The following ZSWIM6 variants were observed in gnomAD, a reference collection of about 807,000 sequenced individuals.
The protein encoded by ZSWIM6 is zinc finger SWIM domain-containing protein 6.
In ZSWIM6, 9 loss-of-function variants were observed where a neutral mutation model predicts 113.2. The observed-to-expected ratio is 0.08, with a 90% CI of 0.05 to 0.14. The LOEUF is 0.14. Ranked by LOEUF, ZSWIM6 falls within the 10% of genes least tolerant of loss-of-function variation. The pLI, the probability that ZSWIM6 is intolerant of heterozygous loss-of-function variation, is 1.00. For missense variants in ZSWIM6, 1,162 were observed against 1,552.2 expected (o/e 0.75, Z 4.22); for synonymous variants, 611 against 606.5 (o/e 1.01, Z -0.11).
intron 1 of ZSWIM6, among the ~76,000 whole-genome samples, chr5:61,422,448 G>A (rs1265655659): frequency 6.6e-6 from 1 of 152,116 alleles, no homozygotes; most frequent in Non-Finnish European, 1.5e-5. Flanking sequence ...TGCTGGCACT[G>A]TACTGTTTTG....
intron 1 of ZSWIM6, among the ~76,000 whole-genome samples, chr5:61,373,627 C>A (rs1745311252): frequency 1.3e-5 from 2 of 152,050 alleles, no homozygotes; most frequent in Admixed American, 6.6e-5. Flanking sequence ...TACATTGTTA[C>A]CAAATGATCT....
In ZSWIM6 at chr5:61,332,361, G is replaced by A; in HGVS notation, c.89G>A (p.Gly30Asp). 1.0e-6 allele frequency: 1 copy of A among 983,144 alleles called. No homozygotes were observed. Among genetic ancestry groups the A allele is most frequent in the Non-Finnish European group, 1.2e-6 (1 of 819,106 alleles). The allele number at this position is 983,144 out of a possible 1,614,324, so 60.9% of individuals were successfully genotyped here. A position where few individuals can be genotyped will look rare whatever the true frequency, so the allele number is the denominator to read the frequency against. Reference sequence around the variant, plus strand: ...GGCGGCGGCGGGGGCAGCAGCGGCGGCGGCGGCGGCGCGGGTGGCGGCTAC... The same window carrying A: ...GGCGGCGGCGGGGGCAGCAGCGGCGACGGCGGCGGCGCGGGTGGCGGCTAC... ...GGGGGGGSSGGGGGAGGGYSS... is the reference protein window; with the variant it reads ...GGGGGGGSSGDGGGAGGGYSS... The change falls in exon 1 of 14, where the codon GGC (glycine) becomes GAC (aspartate). Residue 30 changes from glycine (G) to aspartate (D), a missense_variant. This residue lies in a region of ZSWIM6 where 333 missense variants were observed against 293.4 expected (regional missense o/e 1.13). Coordinates refer to ENST00000252744, the MANE Select transcript of ZSWIM6 (RefSeq NM_020928.2).
chr5:61,400,201 C>T (rs1213201417), intron 1 of ZSWIM6, among the ~76,000 whole-genome samples: 1 of 152,140 alleles, frequency 6.6e-6, no homozygotes, highest in Non-Finnish European at 1.5e-5. Flanking sequence ...CCTTGCCCTC[C>T]TGTAGTCCTA....
chr5:61,429,520 C>T (rs183043232), intron 1 of ZSWIM6, among the ~76,000 whole-genome samples: 169 of 152,104 alleles, frequency 1.1e-3, no homozygotes, highest in Non-Finnish European at 2.1e-3. Flanking sequence ...CAGGTTTTGG[C>T]GGAAGATAAA....
chr5:61,525,806 C>T lies in ZSWIM6; in HGVS notation c.1520C>T (p.Ser507Leu), dbSNP rs891217658. 3.0e-5 allele frequency: 46 copies of T among 1,551,280 alleles called. No homozygotes were observed. Among genetic ancestry groups the T allele is most frequent in the Middle Eastern group, 1.7e-4 (1 of 6,012 alleles). ...TGAATTGTGGAAAAAACAGATTCAT[C>T]GAACAGGCCACATCGGACAGTGTTC... is the stretch of plus-strand genomic sequence containing the variant. ...PQGANANQDS[S>L]NRPHRTVFTR... is the part of the protein sequence containing the mutation. Residue 507 changes from serine (S) to leucine (L), a missense_variant, in exon 6 of 14, where the codon TCG (serine) becomes TTG (leucine). Physicochemically the swap from Ser to Leu is moderately radical, Grantham distance 145. Coordinates refer to ENST00000252744, the MANE Select transcript of ZSWIM6 (RefSeq NM_020928.2).
chr5:61,502,175 T>A (rs1156430254), intron 4 of ZSWIM6, among the ~76,000 whole-genome samples: 1 of 152,080 alleles, frequency 6.6e-6, no homozygotes, highest in East Asian at 1.9e-4. Context: ...CATCTGGGAT[T>A]CCCAGGGGCT....
In ZSWIM6 at chr5:61,387,585, A is replaced by G. The variant is rs148383739; in HGVS notation, c.676+54637A>G. Among the ~76,000 whole-genome samples, 6 of 152,204 alleles carry G rather than the reference A, an allele frequency of 3.9e-5. 1 individual carries two copies. The highest frequency in any genetic ancestry group is 1.2e-4 in the African/African-American group (5 of 41,538). The stretch of plus-strand genomic sequence containing the variant: ...GGAGGCTGAGGTAGGAGGATTGCCA[A>G]CTTGGCAAAACTCTGCCTCTACTAA... On this transcript the variant is annotated intron_variant, in intron 1 of 13. Coordinates refer to ENST00000252744, the MANE Select transcript of ZSWIM6 (RefSeq NM_020928.2).
intron 1 of ZSWIM6, among the ~76,000 whole-genome samples, chr5:61,393,775 G>C (rs1745781145): frequency 6.6e-6 from 1 of 151,614 alleles, no homozygotes; most frequent in African/African-American, 2.4e-5. Flanking sequence ...GGAATGTACT[G>C]TGCATCCAGT....
rs377080918 is a variant in ZSWIM6 at position 61,389,299 on chromosome 5, TA to T, written c.676+56353del. Among the ~76,000 whole-genome samples the T allele has an allele frequency of 3.0e-4, 46 of 151,774 alleles. 1 individual carries two copies. In the East Asian group the frequency reaches 6.2e-3, roughly 21 times the overall value. The stretch of plus-strand genomic sequence containing the variant: ...GGCCGGGCGCGGTAGCTCATGCCTG[TA>T]ATCCTAGCACTTTGGGAGGCTGAGG... On this transcript the variant is annotated intron_variant, in intron 1 of 13. Coordinates refer to ENST00000252744, the MANE Select transcript of ZSWIM6 (RefSeq NM_020928.2).
chr5:61,333,071 C>G (rs1360819086), intron 1 of ZSWIM6, 123 bp downstream of exon 1: 1 of 980,770 alleles, frequency 1.0e-6, no homozygotes, highest in Non-Finnish European at 1.2e-6. Context: ...CTGCGGGTGT[C>G]CTCACTGGCC....
Position 61,533,886 on chromosome 5 carries a change from T to G in ZSWIM6, c.2246-1598T>G, listed in dbSNP as rs571369888. ...AGAATCATGGTGCCAGCCTCATCAT[T>G]GGCTTCTGATGAGGGCACTCTTCCT... On this transcript the variant is annotated intron_variant, in intron 9 of 13. Transcript: ENST00000252744. 2.7e-3 allele frequency among the ~76,000 whole-genome samples: 404 copies of G among 152,334 alleles called. 3 individuals carry two copies. The highest frequency in any genetic ancestry group is 3.4e-3 in the Middle Eastern group (1 of 294).
chr5:61,486,793 T>C (rs1474536342), intron 2 of ZSWIM6, among the ~76,000 whole-genome samples: 2 of 152,072 alleles, frequency 1.3e-5, no homozygotes, highest in Non-Finnish European at 2.9e-5. Flanking sequence ...GGATTATTTG[T>C]GGGGTTTTTT....
In ZSWIM6 at chr5:61,450,504, G is replaced by A. The variant is rs76208188; in HGVS notation, c.677-22177G>A. ...TAGGCCAAGTAAGGGCCACAAAAAA[G>A]TATACACTTCATTGAATTGCCACAT... On this transcript the variant is annotated intron_variant, in intron 1 of 13. Transcript: ENST00000252744. 6.1e-3 allele frequency among the ~76,000 whole-genome samples: 923 copies of A among 152,264 alleles called. 12 individuals carry two copies. Among genetic ancestry groups the A allele is most frequent in the African/African-American group, 0.021 (863 of 41,556 alleles).
At chr5:61,477,458 G>A (rs2112192501) in intron 2 of ZSWIM6, among the ~76,000 whole-genome samples, 1 of 152,256 alleles carries the variant, frequency 6.6e-6, no homozygotes, top group South Asian at 2.1e-4. Context: ...ATCTACAGAG[G>A]CATAGGAGGA....
chr5:61,333,045 G>A, intron 1 of ZSWIM6, 97 bp downstream of exon 1: 11 of 1,041,990 alleles, frequency 1.1e-5, no homozygotes, highest in Non-Finnish European at 1.3e-5. Context: ...CCCTAGTTCC[G>A]CGCGCGCCCG....
At chr5:61,369,335 G>C (rs563927929) in intron 1 of ZSWIM6, among the ~76,000 whole-genome samples, 1 of 152,180 alleles carries the variant, frequency 6.6e-6, no homozygotes, top group African/African-American at 2.4e-5. Flanking sequence ...CTATATTACA[G>C]AATTAACTAT....
rs571403350 is a variant in ZSWIM6, at chr5:61,368,793, A to G, written c.676+35845A>G. ...CAAGTCAGTCAGCTCTCTGATGGAGATCTGGTAAGGGGAGGAGAAGCAAAT... is the reference window on the plus strand; with the variant it reads ...CAAGTCAGTCAGCTCTCTGATGGAGGTCTGGTAAGGGGAGGAGAAGCAAAT... On this transcript the variant is annotated intron_variant, in intron 1 of 13. Transcript: ENST00000252744. Among the ~76,000 whole-genome samples, 28 of 152,312 alleles carry G rather than the reference A, an allele frequency of 1.8e-4. No individual in the cohort carries two copies. In the South Asian group the frequency reaches 3.9e-3, roughly 21 times the overall value.
intron 1 of ZSWIM6, among the ~76,000 whole-genome samples, chr5:61,425,824 G>A (rs1216945988): frequency 6.6e-6 from 1 of 152,172 alleles, no homozygotes; most frequent in African/African-American, 2.4e-5. Flanking sequence ...GAGAGTATAT[G>A]GGCCTGGTGG....
At chr5:61,356,114 C>T (rs1032205266) in intron 1 of ZSWIM6, among the ~76,000 whole-genome samples, 13 of 152,022 alleles carry the variant, frequency 8.6e-5, no homozygotes, top group African/African-American at 3.1e-4. Flanking sequence ...GTGTGTGTTT[C>T]GGCAGAGATG....
Sources: gnomAD v4.1 joint callset for allele counts (sites outside exome capture counted in the v4.1 genomes callset) on GRCh38, gnomAD v4.1.1 for gene constraint, gnomAD v4.1.1 regional missense constraint, MANE v1.5 for transcripts, NCBI Gene and HGNC (gene_info 2026-07-23, HGNC 2026-07-21) for gene names.